NEDD4L: variants seen among roughly 807,000 people sequenced by gnomAD.
NEDD4L encodes NEDD4 like E3 ubiquitin protein ligase.
In NEDD4L, 54 loss-of-function variants were observed where a neutral mutation model predicts 148.9. That is an observed-to-expected ratio of 0.36 (90% CI 0.29 to 0.45). NEDD4L has a LOEUF of 0.45. Ranked by LOEUF, NEDD4L falls within the 20% of genes least tolerant of loss-of-function variation. The pLI is 1.00. For synonymous variants in NEDD4L, 433 were observed against 440.7 expected, an observed-to-expected ratio of 0.98 and a Z score of 0.22; for missense variants, 856 against 1,233.8, an observed-to-expected ratio of 0.69 and a Z score of 4.59.
intron 1 of NEDD4L, among the ~76,000 whole-genome samples, chr18:58,128,935 T>G (rs2031607971): frequency 6.6e-6 from 1 of 152,240 alleles, no homozygotes; most frequent in Admixed American, 6.5e-5. Flanking sequence ...ACAGTGCGGT[T>G]AGTTCCAAGC....
chr18:58,279,497 C>T (rs770868524), intron 5 of NEDD4L, among the ~76,000 whole-genome samples: 7 of 152,072 alleles, frequency 4.6e-5, no homozygotes, highest in Non-Finnish European at 8.8e-5. Context: ...GAGAAAATCT[C>T]GGGAGAATAG....
intron 8 of NEDD4L, 103 bp from the exon 9 acceptor site, chr18:58,324,893 A>G: frequency 9.4e-7 from 1 of 1,062,886 alleles, no homozygotes; most frequent in Non-Finnish European, 1.4e-6. Flanking sequence ...AGAGCCAGAG[A>G]GCCCCAGAGC....
intron 2 of NEDD4L, among the ~76,000 whole-genome samples, chr18:58,211,447 C>T (rs910448576): frequency 5.9e-5 from 9 of 152,090 alleles, no homozygotes. Flanking sequence ...AGCAGATAAC[C>T]TAGGAAGACA....
In NEDD4L at chr18:58,275,728, C is replaced by T. The variant is rs114172016; in HGVS notation, c.297+23674C>T. On this transcript the variant is annotated intron_variant, in intron 5 of 30. Coordinates refer to ENST00000400345, the MANE Select transcript of NEDD4L (RefSeq NM_001144967.3). ...TGAGCATGGCACCCTTAGCACCCCT[C>T]ACCTGTTACCCAACGGAGATTTGTG... Among the ~76,000 whole-genome samples the T allele has an allele frequency of 4.8e-3, 726 of 152,308 alleles. 8 individuals are homozygous for T. The highest frequency in any genetic ancestry group is 0.016 in the African/African-American group (680 of 41,566).
intron 6 of NEDD4L, among the ~76,000 whole-genome samples, chr18:58,316,806 T>C (rs559212016): frequency 2.0e-4 from 30 of 152,222 alleles, no homozygotes; most frequent in Non-Finnish European, 3.1e-4. Context: ...CCTGGCCTTC[T>C]TCCCTGGGCA....
At chr18:58,352,143 AG>A (rs2043971099) in intron 18 of NEDD4L, among the ~76,000 whole-genome samples, 1 of 152,204 alleles carries the variant, frequency 6.6e-6, no homozygotes, top group African/African-American at 2.4e-5. Context: ...TGTTTAAACC[AG>A]ATATTTCAAG....
chr18:58,245,435 A>G lies in NEDD4L; in HGVS notation c.131A>G (p.Tyr44Cys), dbSNP rs1412067241. ...AAAATATTTTCTTACAGTGATCCGT[A>G]TGTGAAACTTTCATTGTACGTAGCG... ...KKDIFGASDP[Y>C]VKLSLYVADE... The change falls in exon 3 of 31, where the codon TAT becomes TGT. Residue 44 changes from tyrosine to cysteine, a missense_variant. Physicochemically the swap from Tyr to Cys is radical, Grantham distance 194 (BLOSUM62 -2). Coordinates refer to ENST00000400345, the MANE Select transcript of NEDD4L (RefSeq NM_001144967.3). 6.5e-7 allele frequency: 1 copy of G among 1,527,910 alleles called. No homozygotes were observed. Among genetic ancestry groups the G allele is most frequent in the Non-Finnish European group, 9.0e-7 (1 of 1,112,746 alleles). The allele number at this position is 1,527,910 out of a possible 1,614,324, so 94.6% of individuals were successfully genotyped here.
At chr18:58,053,248 A>G (rs1179977898) in intron 1 of NEDD4L, among the ~76,000 whole-genome samples, 1 of 152,172 alleles carries the variant, frequency 6.6e-6, no homozygotes, top group East Asian at 1.9e-4. Context: ...GAGGGGATCC[A>G]GAAGTGCAGT....
intron 1 of NEDD4L, among the ~76,000 whole-genome samples, chr18:58,061,480 GTTT>G (rs10579186): frequency 0.81 from 119,793 of 148,350 alleles, 48,811 homozygotes; most frequent in East Asian, 1. Context: ...ACTGTGGGTT[GTTT>G]TTTTTTTTTT....
chr18:58,113,247 C>T (rs566442318), intron 1 of NEDD4L, among the ~76,000 whole-genome samples: 1 of 152,208 alleles, frequency 6.6e-6, no homozygotes, highest in Non-Finnish European at 1.5e-5. Flanking sequence ...AGTGATGAGT[C>T]TGAATTTCAT....
intron 1 of NEDD4L, among the ~76,000 whole-genome samples, chr18:58,061,306 A>C (rs771802535): frequency 1.2e-4 from 18 of 152,160 alleles, no homozygotes; most frequent in Non-Finnish European, 2.5e-4. Context: ...TTTTCAGATA[A>C]AAAACTGAGG....
At chr18:58,130,970 T>C (rs56313331) in intron 1 of NEDD4L, among the ~76,000 whole-genome samples, 83,134 of 120,414 alleles carry the variant, frequency 0.69, 28,370 homozygotes, top group Admixed American at 0.75. Flanking sequence ...AGAACTGTGG[T>C]GGTGTTGGGC....
At position 58,399,087 on chromosome 18, in the gene NEDD4L, T is replaced by G. The variant is rs1462077461; in HGVS notation, c.*2818T>G. ...GGAGCTCACACACTGCCTGTTGCGG[T>G]TCTCTTAACATCAGTTATCACAGCT... is the stretch of plus-strand genomic sequence containing the variant. On this transcript the variant is annotated 3_prime_UTR_variant, in exon 31 of 31. Coordinates refer to ENST00000400345, the MANE Select transcript of NEDD4L (RefSeq NM_001144967.3). 1 of 152,264 alleles carries G rather than the reference T, an allele frequency of 6.6e-6. No individual in the cohort carries two copies. Among genetic ancestry groups the G allele is most frequent in the Non-Finnish European group, 1.5e-5 (1 of 68,084 alleles). The allele number at this position is 152,264 out of a possible 1,614,324, so 9.4% of individuals were successfully genotyped here. A position where few individuals can be genotyped will look rare whatever the true frequency, so the allele number is the denominator to read the frequency against.
chr18:58,072,874 A>ACG (rs145137083), intron 1 of NEDD4L, among the ~76,000 whole-genome samples: 1 of 63,682 alleles, frequency 1.6e-5, no homozygotes, highest in Non-Finnish European at 2.7e-5. Flanking sequence ...GCGCGCGCGC[A>ACG]CACACACACA....
At chr18:58,122,201 G>A (rs574259875) in intron 1 of NEDD4L, among the ~76,000 whole-genome samples, 1 of 152,298 alleles carries the variant, frequency 6.6e-6, no homozygotes, top group African/African-American at 2.4e-5. Flanking sequence ...GCTGACAAGT[G>A]TCTAAAACTC....
At chr18:58,084,924 G>T (rs1303015944) in intron 1 of NEDD4L, among the ~76,000 whole-genome samples, 3 of 151,760 alleles carry the variant, frequency 2.0e-5, no homozygotes, top group Non-Finnish European at 4.4e-5. Flanking sequence ...TGAATTCCTG[G>T]GCTCAAGTGA....
chr18:58,108,551 G>A (rs935086049), intron 1 of NEDD4L, among the ~76,000 whole-genome samples: 5 of 152,146 alleles, frequency 3.3e-5, no homozygotes, highest in African/African-American at 1.2e-4. Context: ...CTCCCGAGTA[G>A]CTGGGATTTT....
At chr18:58,132,617 T>C (rs975007554) in intron 1 of NEDD4L, among the ~76,000 whole-genome samples, 1 of 152,018 alleles carries the variant, frequency 6.6e-6, no homozygotes, top group African/African-American at 2.4e-5. Flanking sequence ...GGACATAGAG[T>C]TGCCGTGAAG....
chr18:58,298,834 A>G (rs902370300), intron 5 of NEDD4L, among the ~76,000 whole-genome samples: 3 of 152,226 alleles, frequency 2.0e-5, no homozygotes, highest in East Asian at 1.9e-4. Context: ...GAATTGCAGC[A>G]TAGCATATTA....
Sources: allele counts gnomAD v4.1 joint callset (sites outside exome capture counted in the v4.1 genomes callset), GRCh38; gene constraint gnomAD v4.1.1; transcripts MANE v1.5; gene names NCBI Gene and HGNC (gene_info 2026-07-23, HGNC 2026-07-21).